FAM50B: variants seen among roughly 807,000 people sequenced by gnomAD.
The protein encoded by FAM50B is family with sequence similarity 50 member B, also known as protein FAM50B.
In FAM50B, 9 loss-of-function variants were observed where a neutral mutation model predicts 25.4. The observed-to-expected ratio is 0.35, with a 90% CI of 0.21 to 0.62. The LOEUF is 0.62. Among genes scored for constraint, FAM50B ranks in the 20% least tolerant of loss-of-function variants. The pLI is 0.73. For synonymous variants in FAM50B, 212 were observed against 204.3 expected (o/e 1.04, Z -0.32); for missense variants, 372 against 477.9 (o/e 0.78, Z 2.07).
chr6:3,836,186 G>A, the FAM50B span, among the ~76,000 whole-genome samples: 1 of 152,206 alleles, frequency 6.6e-6, no homozygotes, highest in African/African-American at 2.4e-5. Context: ...CCCAGCAATA[G>A]TTTTAAGCCT....
At position 3,850,055 on chromosome 6, in the gene FAM50B, A is replaced by G; in HGVS notation, c.244A>G (p.Arg82Gly). ...DMKARQEALV[R>G]ERERQLAKRQ... is the part of the protein sequence containing the mutation. ...GAAGGCCCGGCAGGAGGCCCTGGTC[A>G]GGGAGCGCGAGCGGCAGCTGGCCAA... Residue 82 changes from arginine to glycine, a missense_variant, in exon 2 of 2, where the codon AGG becomes GGG. Coordinates refer to ENST00000648326, the MANE Select transcript of FAM50B (RefSeq NM_012135.3). 6.2e-7 allele frequency: 1 copy of G among 1,612,238 alleles called. No homozygotes were observed. The highest frequency in any genetic ancestry group is 2.2e-5 in the East Asian group (1 of 44,818).
intron 1 of FAM50B, 85 bp from the exon 2 acceptor site, chr6:3,849,704 G>A (rs1762174913): frequency 2.8e-6 from 4 of 1,442,714 alleles, no homozygotes; most frequent in Non-Finnish European, 2.7e-6. Flanking sequence ...ACTGCCGAAA[G>A]CCCTGTGAGG....
chr6:3,840,515 G>A, the FAM50B span, among the ~76,000 whole-genome samples: 2 of 152,100 alleles, frequency 1.3e-5, no homozygotes, highest in East Asian at 3.9e-4. Flanking sequence ...GGGCTGTGGA[G>A]TCACGGCATG....
chr6:3,849,649 G>A (rs1762173772), intron 1 of FAM50B, 140 bp from the exon 2 acceptor site: 2 of 1,249,442 alleles, frequency 1.6e-6, no homozygotes, highest in Admixed American at 3.0e-5. Flanking sequence ...CTGTCAGGTT[G>A]GTGGTTACCC....
At chr6:3,844,958 AAAAC>A (rs2127617612), upstream of FAM50B, among the ~76,000 whole-genome samples, 1 of 152,334 alleles carries the variant, frequency 6.6e-6, no homozygotes, top group East Asian at 1.9e-4. Context: ...ACCTATTGGA[AAAAC>A]AAACCATAAT....
chr6:3,841,214 G>T, the FAM50B span, among the ~76,000 whole-genome samples: 8 of 152,212 alleles, frequency 5.3e-5, no homozygotes, highest in Non-Finnish European at 2.9e-5. Flanking sequence ...TTTACAAGCT[G>T]TTTAAAGAAT....
At chr6:3,843,444 A>T in the FAM50B span, among the ~76,000 whole-genome samples, 3 of 152,246 alleles carry the variant, frequency 2.0e-5, no homozygotes, top group African/African-American at 7.2e-5. Flanking sequence ...AACATGTATT[A>T]CTTTGATACA....
the FAM50B span, among the ~76,000 whole-genome samples, chr6:3,840,722 G>A: frequency 6.6e-6 from 1 of 152,142 alleles, no homozygotes; most frequent in Non-Finnish European, 1.5e-5. Context: ...AATAAATAAC[G>A]GATTTTCTGC....
the FAM50B span, among the ~76,000 whole-genome samples, chr6:3,839,694 C>T: frequency 6.6e-5 from 10 of 152,086 alleles, 1 homozygote; most frequent in Admixed American, 5.9e-4. Flanking sequence ...TCAGCAATAC[C>T]TCACATATAC....
the FAM50B span, among the ~76,000 whole-genome samples, chr6:3,839,942 C>G: frequency 6.2e-4 from 95 of 152,098 alleles, no homozygotes; most frequent in African/African-American, 2.2e-3. Flanking sequence ...TTGAGACCAG[C>G]CTGGTCGACA....
the FAM50B span, among the ~76,000 whole-genome samples, chr6:3,834,359 C>CAAAAAAAAAAAAAAAAAAAAAGAAA: frequency 5.3e-5 from 4 of 75,044 alleles, no homozygotes; most frequent in African/African-American, 1.3e-4. Context: ...TGATATATGG[C>CAAAAAAAAAAAAAAAAAAAAAGAAA]AAAAAAAAAA....
At chr6:3,840,926 G>C in the FAM50B span, among the ~76,000 whole-genome samples, 1 of 152,222 alleles carries the variant, frequency 6.6e-6, no homozygotes, top group African/African-American at 2.4e-5. Context: ...AGCTCAAAGT[G>C]TAACTAGGGA....
chr6:3,842,176 A>C, the FAM50B span, among the ~76,000 whole-genome samples: 1 of 152,238 alleles, frequency 6.6e-6, no homozygotes, highest in Non-Finnish European at 1.5e-5. Context: ...TTAGATACCA[A>C]TCATCTTTGC....
chr6:3,844,990 A>G (rs1206615235), upstream of FAM50B, among the ~76,000 whole-genome samples: 1 of 152,224 alleles, frequency 6.6e-6, no homozygotes, highest in African/African-American at 2.4e-5. Context: ...TCAGGGAAGA[A>G]TAACTAGAAC....
Position 3,850,597 on chromosome 6 carries a change from C to T in FAM50B, c.786C>T (p.Ser262=). 2.5e-6 allele frequency: 4 copies of T among 1,614,124 alleles called. No individual in the cohort carries two copies. The highest frequency in any genetic ancestry group is 2.2e-5 in the South Asian group (2 of 91,082). The change falls in exon 2 of 2, where the codon AGC becomes AGT. Residue 262 remains serine (S), a synonymous_variant. Transcript: ENST00000648326. ...TCATCGCCAGGGCGAGGGGCAAGAG[C>T]GGGCCGCTCTTCAGCTTCGATGTGC... The part of the protein sequence containing the change: ...DFIIARARGK[S]GPLFSFDVHD...
At chr6:3,838,970 T>C in the FAM50B span, among the ~76,000 whole-genome samples, 1 of 151,876 alleles carries the variant, frequency 6.6e-6, no homozygotes, top group East Asian at 1.9e-4. Context: ...ACTTAAAATG[T>C]ACATATTGTA....
At chr6:3,833,936 T>C in the FAM50B span, 1 of 152,236 alleles carries the variant, frequency 6.6e-6, no homozygotes, top group South Asian at 2.1e-4. Context: ...GACTCTCAAC[T>C]GATAGAATAT....
chr6:3,840,063 G>T, the FAM50B span, among the ~76,000 whole-genome samples: 2 of 152,164 alleles, frequency 1.3e-5, no homozygotes, highest in Admixed American at 6.5e-5. Context: ...CGCGATCTCG[G>T]CTCACTGTAA....
At chr6:3,846,439 T>C (rs528075466), upstream of FAM50B, among the ~76,000 whole-genome samples, 2 of 152,382 alleles carry the variant, frequency 1.3e-5, no homozygotes, top group South Asian at 4.1e-4. Flanking sequence ...AATGATCCTC[T>C]GAGCATTCAG....
Sources: allele counts gnomAD v4.1 joint callset (sites outside exome capture counted in the v4.1 genomes callset), GRCh38; gene constraint gnomAD v4.1.1; transcripts MANE v1.5; gene names NCBI Gene and HGNC (gene_info 2026-07-23, HGNC 2026-07-21).